Variants in GRIN2B observed in about 807,000 individuals in gnomAD.
The protein encoded by GRIN2B is glutamate ionotropic receptor NMDA type subunit 2B.
Under a neutral mutation model 114.5 loss-of-function variants are expected in GRIN2B, and 5 were observed. The observed-to-expected ratio is 0.04, with a 90% CI of 0.02 to 0.09. The LOEUF (loss-of-function observed/expected upper bound fraction) is 0.09. Among genes scored for constraint, GRIN2B ranks in the 10% least tolerant of loss-of-function variants. The pLI is 1.00. For missense variants in GRIN2B, 1,108 were observed against 1,943.5 expected (o/e 0.57, Z 8.08); for synonymous variants, 787 against 745.1 (o/e 1.06, Z -0.92).
intron 3 of GRIN2B, among the ~76,000 whole-genome samples, chr12:13,822,014 G>C (rs574792331): frequency 1.3e-5 from 2 of 152,224 alleles, no homozygotes; most frequent in South Asian, 4.1e-4. Context: ...AAGGTATCAA[G>C]TCAAAGCAAA....
At chr12:13,720,522 C>CA (rs1467310551) in intron 4 of GRIN2B, among the ~76,000 whole-genome samples, 1 of 152,044 alleles carries the variant, frequency 6.6e-6, no homozygotes, top group Non-Finnish European at 1.5e-5. Context: ...TCTAGTCTGT[C>CA]AAAAAACATG....
At chr12:13,948,538 T>C (rs1410425015) in intron 2 of GRIN2B, among the ~76,000 whole-genome samples, 1 of 152,132 alleles carries the variant, frequency 6.6e-6, no homozygotes, top group Non-Finnish European at 1.5e-5. Context: ...TCTGCTCTGA[T>C]GCCAAAGATT....
In GRIN2B at chr12:13,675,826, A is replaced by G; in HGVS notation, c.1044T>C (p.Asn348=). The G allele has an allele frequency of 6.2e-7, 1 of 1,607,908 alleles. No individual in the cohort carries two copies. The highest frequency in any genetic ancestry group is 8.5e-7 in the Non-Finnish European group (1 of 1,174,586). ...YLINVTFEGR[N]LSFSEDGYQM... ...GGTAGCCATCTTCACTGAAGGACAAATTCCTCCCCTCAAAAGTGACATTGA... is the reference window on the plus strand; with the variant it reads ...GGTAGCCATCTTCACTGAAGGACAAGTTCCTCCCCTCAAAAGTGACATTGA... The change falls in exon 5 of 14, where the codon AAT becomes AAC. Residue 348 remains asparagine, a synonymous_variant. Transcript: ENST00000609686.
chr12:13,769,045 A>G (rs1047267512), intron 3 of GRIN2B, among the ~76,000 whole-genome samples: 2 of 152,120 alleles, frequency 1.3e-5, no homozygotes, highest in African/African-American at 4.8e-5. Context: ...AAAAATAAAT[A>G]AAATAAAATA....
chr12:13,595,672 C>T (rs1362124150), intron 10 of GRIN2B, among the ~76,000 whole-genome samples: 1 of 152,130 alleles, frequency 6.6e-6, no homozygotes, highest in Non-Finnish European at 1.5e-5. Context: ...AACAATTCCT[C>T]TAGCAGCAGC....
rs1265643179 is a variant in GRIN2B at position 13,736,197 on chromosome 12, AGCTCCTCT to A, written c.1010+17112_1010+17119del. ...CCACTGAACTCCTGGATGTACCCTC[AGCTCCTCT>A]GCTCCTCCAGGACAGCATATGGCAT... On this transcript the variant is annotated intron_variant, in intron 4 of 13. Coordinates refer to ENST00000609686, the MANE Select transcript of GRIN2B (RefSeq NM_000834.5). Among the ~76,000 whole-genome samples, 8 of 146,218 alleles carry A rather than the reference AGCTCCTCT, an allele frequency of 5.5e-5. No individual in the cohort carries two copies. The East Asian group carries it at 8.1e-4, about 15-fold the overall frequency.
chr12:13,928,808 C>T (rs576142529), intron 2 of GRIN2B, among the ~76,000 whole-genome samples: 28 of 152,298 alleles, frequency 1.8e-4, no homozygotes, highest in African/African-American at 6.3e-4. Flanking sequence ...AAAACTGAAA[C>T]CCTATATGGG....
chr12:13,544,202 C>T lies in GRIN2B; in HGVS notation c.*18581G>A, dbSNP rs1213655782. 1 of 152,286 alleles carries T rather than the reference C, an allele frequency of 6.6e-6. No homozygotes were observed. The highest frequency in any genetic ancestry group is 1.9e-4 in the East Asian group (1 of 5,192). The allele number at this position is 152,286 out of a possible 1,614,324, so 9.4% of individuals were successfully genotyped here. ...CCCCTCTTTCTTGAATCCACCCCAT[C>T]ATGCTTTTGCCCCCACCAGTCCACT... On this transcript the variant is annotated 3_prime_UTR_variant, in exon 14 of 14. Coordinates refer to ENST00000609686, the MANE Select transcript of GRIN2B (RefSeq NM_000834.5).
intron 3 of GRIN2B, among the ~76,000 whole-genome samples, chr12:13,855,708 C>T (rs998162019): frequency 2.0e-5 from 3 of 152,126 alleles, no homozygotes; most frequent in African/African-American, 7.2e-5. Context: ...TTAGGGCCCA[C>T]CCAAATAATT....
chr12:13,660,452 G>C (rs147957106), intron 5 of GRIN2B, among the ~76,000 whole-genome samples: 2 of 152,114 alleles, frequency 1.3e-5, no homozygotes, highest in African/African-American at 4.8e-5. Context: ...TAGGTTTGTT[G>C]AATTGAACTG....
At chr12:13,712,808 G>A (rs1170644791) in intron 4 of GRIN2B, among the ~76,000 whole-genome samples, 1 of 151,802 alleles carries the variant, frequency 6.6e-6, no homozygotes, top group African/African-American at 2.4e-5. Flanking sequence ...AGTTAATATG[G>A]TCAATATCTC....
At chr12:13,572,021 A>AGAG in intron 10 of GRIN2B, 57 bp from the exon 11 acceptor site, 1 of 1,393,484 alleles carries the variant, frequency 7.2e-7, no homozygotes, top group Non-Finnish European at 1.0e-6. Context: ...AGAGAGAGAG[A>AGAG]AAAGTCATTT....
chr12:13,572,617 A>G (rs898262367), intron 10 of GRIN2B, among the ~76,000 whole-genome samples: 1 of 152,174 alleles, frequency 6.6e-6, no homozygotes, highest in Non-Finnish European at 1.5e-5. Context: ...AGTGCCCATT[A>G]TAATAAAGAG....
At chr12:13,821,161 C>T (rs1178561874) in intron 3 of GRIN2B, among the ~76,000 whole-genome samples, 1 of 152,108 alleles carries the variant, frequency 6.6e-6, no homozygotes. Context: ...TCTTCCCGCT[C>T]TGTCCCCTAC....
chr12:13,785,357 C>G (rs1422134630), intron 3 of GRIN2B, among the ~76,000 whole-genome samples: 4 of 152,178 alleles, frequency 2.6e-5, no homozygotes, highest in Non-Finnish European at 5.9e-5. Context: ...TAGACCTTTC[C>G]TATCACGTAC....
chr12:13,593,979 A>G (rs1565467171), intron 10 of GRIN2B, among the ~76,000 whole-genome samples: 2 of 152,240 alleles, frequency 1.3e-5, no homozygotes, highest in Non-Finnish European at 2.9e-5. Flanking sequence ...ATGAGATACC[A>G]TCTCATGCCA....
intron 2 of GRIN2B, among the ~76,000 whole-genome samples, chr12:13,943,461 T>C (rs140908025): frequency 1.3e-5 from 2 of 152,238 alleles, no homozygotes; most frequent in African/African-American, 4.8e-5. Context: ...GACTCCCCCA[T>C]TGAATTTAGA....
chr12:13,662,005 G>T (rs1473002051), intron 5 of GRIN2B, among the ~76,000 whole-genome samples: 1 of 152,114 alleles, frequency 6.6e-6, no homozygotes, highest in East Asian at 1.9e-4. Context: ...CTGGAGACAA[G>T]GAAGTGAAGT....
At chr12:13,812,279 A>G (rs929111688) in intron 3 of GRIN2B, among the ~76,000 whole-genome samples, 1 of 152,176 alleles carries the variant, frequency 6.6e-6, no homozygotes, top group Non-Finnish European at 1.5e-5. Flanking sequence ...CTTTTCTTCT[A>G]CATGGGAACA....
Sources: allele counts gnomAD v4.1 joint callset (sites outside exome capture counted in the v4.1 genomes callset), GRCh38; gene constraint gnomAD v4.1.1; transcripts MANE v1.5; gene names NCBI Gene and HGNC (gene_info 2026-07-23, HGNC 2026-07-21).